MAPK10: variants seen among roughly 807,000 people sequenced by gnomAD.
The protein encoded by MAPK10 is JNK3 alpha protein kinase.
Under a neutral mutation model 59.3 loss-of-function variants are expected in MAPK10, and 25 were observed. That is an observed-to-expected ratio of 0.42 (90% CI 0.31 to 0.59). The LOEUF (loss-of-function observed/expected upper bound fraction) is 0.59, where lower values mean the gene tolerates loss of function less well. MAPK10 is among the 20% of genes least tolerant of loss of function. MAPK10 has a pLI of 0.15. For synonymous variants in MAPK10, 190 were observed against 200.5 expected, an observed-to-expected ratio of 0.95 and a Z score of 0.44; for missense variants, 351 against 568.9, an observed-to-expected ratio of 0.62 and a Z score of 3.90.
intron 1 of MAPK10, among the ~76,000 whole-genome samples, chr4:86,518,495 T>C (rs1173042084): frequency 2.0e-5 from 3 of 152,216 alleles, no homozygotes; most frequent in African/African-American, 7.2e-5. Context: ...TTTATTTGGA[T>C]CTTCTCTCTT....
intron 11 of MAPK10, among the ~76,000 whole-genome samples, chr4:86,041,557 G>A (rs1484614141): frequency 6.6e-6 from 1 of 151,968 alleles, no homozygotes; most frequent in African/African-American, 2.4e-5. Flanking sequence ...CTACAGAAAG[G>A]GAGAAAATTT....
intron 4 of MAPK10, among the ~76,000 whole-genome samples, chr4:86,122,092 C>T (rs2059352471): frequency 6.6e-6 from 1 of 151,940 alleles, no homozygotes; most frequent in Non-Finnish European, 1.5e-5. Context: ...AAATGGGTGG[C>T]TTTAAACATT....
At chr4:86,101,243 T>C (rs1384974894) in intron 7 of MAPK10, 26 bp from the exon 8 acceptor site, 1 of 1,586,102 alleles carries the variant, frequency 6.3e-7, no homozygotes, top group Non-Finnish European at 8.6e-7. Flanking sequence ...AGGGAAAAAA[T>C]TAAAAGCCAG....
chr4:86,048,155 G>T (rs1209026889), intron 11 of MAPK10, among the ~76,000 whole-genome samples: 1 of 151,928 alleles, frequency 6.6e-6, no homozygotes, highest in Non-Finnish European at 1.5e-5. Context: ...AATTCAAAGG[G>T]CATTTACTGA....
rs892750991 is a variant in MAPK10, at chr4:86,159,158, T to A, written c.236+140A>T. On this transcript the variant is annotated intron_variant, in intron 4 of 13. Coordinates refer to ENST00000641462, the MANE Select transcript of MAPK10 (RefSeq NM_138982.4). The stretch of plus-strand genomic sequence containing the variant: ...ATTAAACATAATGCTCATAATGTTA[T>A]TTTTTTTTCTTCAGTAGGATTATTT... The A allele has an allele frequency of 4.4e-5, 24 of 551,298 alleles. No individual in the cohort carries two copies. In the East Asian group the frequency reaches 6.3e-4, roughly 14 times the overall value. 34.2% of individuals were successfully genotyped at this position (551,298 alleles called of 1,614,324 possible).
chr4:86,172,395 T>C (rs1260445005), intron 3 of MAPK10, among the ~76,000 whole-genome samples: 1 of 150,302 alleles, frequency 6.7e-6, no homozygotes, highest in Non-Finnish European at 1.5e-5. Flanking sequence ...TATGCAGCCA[T>C]AAAAAATGAT....
intron 4 of MAPK10, among the ~76,000 whole-genome samples, chr4:86,146,324 A>G (rs1483572888): frequency 2.0e-5 from 3 of 152,234 alleles, no homozygotes; most frequent in Non-Finnish European, 4.4e-5. Context: ...GTAAGGAGAC[A>G]ATGTAAAAAT....
chr4:86,348,976 T>C (rs1729720676), intron 2 of MAPK10, among the ~76,000 whole-genome samples: 1 of 152,208 alleles, frequency 6.6e-6, no homozygotes, highest in Non-Finnish European at 1.5e-5. Flanking sequence ...ACTCATTTCA[T>C]TTTATGAAAG....
chr4:86,181,721 C>G (rs1226632791), intron 3 of MAPK10, among the ~76,000 whole-genome samples: 1 of 151,958 alleles, frequency 6.6e-6, no homozygotes, highest in South Asian at 2.1e-4. Flanking sequence ...GAGGAAGATG[C>G]CCTGGTCCTG....
At chr4:86,036,526 A>G (rs1324860741) in intron 11 of MAPK10, among the ~76,000 whole-genome samples, 1 of 152,178 alleles carries the variant, frequency 6.6e-6, no homozygotes, top group African/African-American at 2.4e-5. Context: ...GACCTTAATA[A>G]TCCTCACAGT....
At chr4:86,286,778 G>A (rs140547237) in intron 2 of MAPK10, among the ~76,000 whole-genome samples, 2 of 152,150 alleles carry the variant, frequency 1.3e-5, no homozygotes, top group African/African-American at 4.8e-5. Flanking sequence ...CATCTCTGGA[G>A]CTTGAACACA....
At chr4:86,293,216 GTA>G (rs2095274468) in intron 2 of MAPK10, among the ~76,000 whole-genome samples, 3 of 152,130 alleles carry the variant, frequency 2.0e-5, no homozygotes, top group African/African-American at 7.2e-5. Flanking sequence ...AAACTTTGAG[GTA>G]CAGGAAAATA....
chr4:86,458,498 C>T (rs1751438791), intron 1 of MAPK10, among the ~76,000 whole-genome samples: 1 of 152,028 alleles, frequency 6.6e-6, no homozygotes, highest in Admixed American at 6.6e-5. Flanking sequence ...GGACGCATCA[C>T]ATGACCTGAT....
chr4:86,132,251 G>A (rs2061145504), intron 4 of MAPK10, among the ~76,000 whole-genome samples: 1 of 152,118 alleles, frequency 6.6e-6, no homozygotes, highest in Admixed American at 6.5e-5. Flanking sequence ...TATTACTGAT[G>A]TATGTTGAGT....
intron 11 of MAPK10, among the ~76,000 whole-genome samples, chr4:86,063,074 A>AT (rs1317400682): frequency 4.6e-5 from 7 of 152,186 alleles, no homozygotes; most frequent in Admixed American, 4.6e-4. Context: ...TGGGAGATTC[A>AT]TTAATCACTT....
intron 9 of MAPK10, among the ~76,000 whole-genome samples, chr4:86,091,810 A>T (rs910113301): frequency 2.0e-5 from 3 of 151,880 alleles, no homozygotes; most frequent in Non-Finnish European, 4.4e-5. Context: ...AGTAGCTGAG[A>T]TTACAGGCAC....
intron 2 of MAPK10, among the ~76,000 whole-genome samples, chr4:86,328,647 T>C (rs1303818203): frequency 6.6e-6 from 1 of 152,188 alleles, no homozygotes; most frequent in Non-Finnish European, 1.5e-5. Context: ...GTGGCACATA[T>C]ACACCGTAGA....
intron 2 of MAPK10, chr4:86,326,171 T>G (rs2096017431): frequency 6.6e-6 from 1 of 152,108 alleles, no homozygotes; most frequent in African/African-American, 2.4e-5. Flanking sequence ...GTAGAGAACA[T>G]TCCAGTCAAA....
intron 1 of MAPK10, among the ~76,000 whole-genome samples, chr4:86,450,159 A>T (rs1376074293): frequency 6.6e-6 from 1 of 152,260 alleles, no homozygotes; most frequent in Admixed American, 6.5e-5. Flanking sequence ...AGCAATAGAG[A>T]ACTAATAAAC....
Sources: allele counts gnomAD v4.1 joint callset (sites outside exome capture counted in the v4.1 genomes callset), GRCh38; gene constraint gnomAD v4.1.1; transcripts MANE v1.5; gene names NCBI Gene and HGNC (gene_info 2026-07-23, HGNC 2026-07-21).